The following DCAF4 variants were observed in gnomAD, a reference collection of about 807,000 sequenced individuals.
DCAF4 encodes the protein DDB1 and CUL4 associated factor 4.
In DCAF4, 37 loss-of-function variants were observed where a neutral mutation model predicts 60.9. The observed-to-expected ratio is 0.61, with a 90% CI of 0.47 to 0.80. The LOEUF is 0.80. Ranked by LOEUF, DCAF4 falls within the 30% of genes least tolerant of loss-of-function variation. DCAF4 has a pLI of 0.00. For synonymous variants in DCAF4, 243 were observed against 254.8 expected (o/e 0.95, Z 0.44); for missense variants, 577 against 650.0 (o/e 0.89, Z 1.22).
chr14:72,953,720 AAAAAAAAAAAAAATATATATAT>A (rs1891757139), intron 9 of DCAF4, among the ~76,000 whole-genome samples: 1 of 50,440 alleles, frequency 2.0e-5, no homozygotes, highest in African/African-American at 9.2e-5. Flanking sequence ...AAAAAAAAAA[AAAAAAAAAAAAAATATATATAT>A]ATATATATAT....
At chr14:72,955,796 G>A in intron 12 of DCAF4, 100 bp downstream of exon 12, 1 of 1,179,580 alleles carries the variant, frequency 8.5e-7, no homozygotes, top group Non-Finnish European at 1.2e-6. Context: ...CAAGACCCCA[G>A]GCAGGGGAAT....
chr14:72,940,363 G>A lies in DCAF4; in HGVS notation c.337G>A (p.Asp113Asn). ...SKRLRLLQEE[D>N]RRKKIARMGF... ...GAGACTGCGGCTGCTCCAGGAAGAA[G>A]ACAGACGGAAAAAGGTGGGCTCCTC... Residue 113 changes from aspartate to asparagine, a missense_variant, in exon 4 of 14, where the codon GAC becomes AAC. Coordinates refer to ENST00000358377, the MANE Select transcript of DCAF4 (RefSeq NM_015604.4). 6.2e-7 allele frequency: 1 copy of A among 1,609,820 alleles called. No individual in the cohort carries two copies. The highest frequency in any genetic ancestry group is 8.5e-7 in the Non-Finnish European group (1 of 1,179,032).
chr14:72,953,956 G>C (rs1382761386), intron 9 of DCAF4, among the ~76,000 whole-genome samples: 4 of 151,216 alleles, frequency 2.6e-5, no homozygotes, highest in Non-Finnish European at 5.9e-5. Context: ...CGACTACTGG[G>C]AACGTTAACA....
At chr14:72,951,389 A>C (rs914643304) in intron 8 of DCAF4, among the ~76,000 whole-genome samples, 1 of 152,040 alleles carries the variant, frequency 6.6e-6, no homozygotes, top group African/African-American at 2.4e-5. Flanking sequence ...AGGCGGGCGG[A>C]TCACGTGAGG....
chr14:72,947,257 G>C (rs2243443), intron 8 of DCAF4, 66 bp downstream of exon 8: 463,221 of 1,575,212 alleles, frequency 0.29, 71,845 homozygotes, highest in Non-Finnish European at 0.32. Context: ...CTGGGTATCT[G>C]TGGGCTTCAT....
chr14:72,953,758 T>A (rs1319762382), intron 9 of DCAF4, among the ~76,000 whole-genome samples: 1 of 63,308 alleles, frequency 1.6e-5, no homozygotes, highest in African/African-American at 5.0e-5. Flanking sequence ...TATATATATA[T>A]ATATAGTTTA....
chr14:72,958,884 G>T lies in DCAF4; in HGVS notation c.*79G>T. 4.7e-6 allele frequency: 7 copies of T among 1,498,752 alleles called. No homozygotes were observed. Among genetic ancestry groups the T allele is most frequent in the South Asian group, 4.1e-5 (3 of 73,760 alleles). 92.8% of individuals were successfully genotyped at this position (1,498,752 alleles called of 1,614,324 possible). On this transcript the variant is annotated 3_prime_UTR_variant, in exon 14 of 14. Transcript: ENST00000358377. ...TAACTTTTTACTGCATCTAATGAGG[G>T]TGTTTTAAGTGACACTCAGTGTACA... is the stretch of plus-strand genomic sequence containing the variant.
chr14:72,949,796 T>A (rs1053239772), intron 8 of DCAF4, among the ~76,000 whole-genome samples: 4 of 152,234 alleles, frequency 2.6e-5, no homozygotes, highest in Non-Finnish European at 5.9e-5. Flanking sequence ...AGAAGATTTT[T>A]AAAAGTTACA....
downstream of DCAF4, chr14:72,960,525 C>T: frequency 1.3e-6 from 1 of 752,410 alleles, no homozygotes; most frequent in East Asian, 9.7e-5. Flanking sequence ...ACCAGCAAAC[C>T]CCAGGGCAGT....
At chr14:72,946,106 A>G in intron 7 of DCAF4, 79 bp downstream of exon 7, 1 of 1,542,840 alleles carries the variant, frequency 6.5e-7, no homozygotes, top group Non-Finnish European at 8.9e-7. Context: ...GAGGAGAGCA[A>G]CTGGGGAAGA....
chr14:72,959,226 C>A lies in DCAF4; in HGVS notation c.*421C>A, dbSNP rs1209536117. 7 of 989,836 alleles carry A rather than the reference C, an allele frequency of 7.1e-6. No homozygotes were observed. Among genetic ancestry groups the A allele is most frequent in the Non-Finnish European group, 8.4e-6 (7 of 832,892 alleles). 61.3% of individuals were successfully genotyped at this position (989,836 alleles called of 1,614,324 possible). A position where few individuals can be genotyped will look rare whatever the true frequency, so the allele number is the denominator to read the frequency against. On this transcript the variant is annotated 3_prime_UTR_variant, in exon 14 of 14. Coordinates refer to ENST00000358377, the MANE Select transcript of DCAF4 (RefSeq NM_015604.4). Reference sequence around the variant, plus strand: ...GGTGCCTGGGTAGCAGGAAGAAAGACCTGCATCCTGCATCTGTACTTGGGG... The same window carrying A: ...GGTGCCTGGGTAGCAGGAAGAAAGAACTGCATCCTGCATCTGTACTTGGGG...
At chr14:72,950,799 C>T (rs1330430680) in intron 8 of DCAF4, among the ~76,000 whole-genome samples, 2 of 108,644 alleles carry the variant, frequency 1.8e-5, no homozygotes, top group Non-Finnish European at 4.0e-5. Context: ...CATGCAATGC[C>T]ATTTCTGTAT....
chr14:72,949,255 C>T (rs1891111029), intron 8 of DCAF4, among the ~76,000 whole-genome samples: 2 of 152,098 alleles, frequency 1.3e-5, no homozygotes, highest in African/African-American at 4.8e-5. Flanking sequence ...TTGAGACCAG[C>T]CTGGGCAATA....
chr14:72,949,732 G>A (rs535129318), intron 8 of DCAF4, among the ~76,000 whole-genome samples: 1 of 152,224 alleles, frequency 6.6e-6, no homozygotes, highest in African/African-American at 2.4e-5. Context: ...ACTCCAGCCT[G>A]AGCGAAAGAG....
intron 1 of DCAF4, among the ~76,000 whole-genome samples, chr14:72,934,201 T>C (rs1337501943): frequency 2.7e-5 from 4 of 150,436 alleles, no homozygotes; most frequent in African/African-American, 9.8e-5. Flanking sequence ...TGCTCAAGGC[T>C]GGAGTGCAAT....
At position 72,945,751 on chromosome 14, in the gene DCAF4, C is replaced by T. The variant is rs935215196; in HGVS notation, c.535-133C>T. The T allele has an allele frequency of 3.9e-5, 47 of 1,218,818 alleles. No homozygotes were observed. In the South Asian group the frequency reaches 6.0e-4, roughly 16 times the overall value. 75.5% of individuals were successfully genotyped at this position (1,218,818 alleles called of 1,614,324 possible). A position where few individuals can be genotyped will look rare whatever the true frequency, so the allele number is the denominator to read the frequency against. ...GGGAAAGTGAGGTCATCTCCACTCT[C>T]GCTCATGGAGAGGAACTCTCACCTA... On this transcript the variant is annotated intron_variant, in intron 6 of 13. Transcript: ENST00000358377.
intron 5 of DCAF4, 102 bp downstream of exon 5, chr14:72,941,926 C>A: frequency 8.0e-7 from 1 of 1,255,682 alleles, no homozygotes; most frequent in Non-Finnish European, 1.1e-6. Context: ...ATGTGGCTAC[C>A]CCGTGAAGCA....
chr14:72,957,801 TCTC>T (rs1892500083), intron 13 of DCAF4: 3 of 152,194 alleles, frequency 2.0e-5, no homozygotes, highest in Admixed American at 6.5e-5. Flanking sequence ...CCTGTCCTCT[TCTC>T]CTGCTGAAGG....
chr14:72,929,870 C>A (rs1275432309), intron 1 of DCAF4: 1 of 1,474,350 alleles, frequency 6.8e-7, no homozygotes, highest in Non-Finnish European at 9.3e-7. Flanking sequence ...GGCTTGCTCA[C>A]GTTCTTGGTC....
Sources: gnomAD v4.1 joint callset for allele counts (sites outside exome capture counted in the v4.1 genomes callset) on GRCh38, gnomAD v4.1.1 for gene constraint, MANE v1.5 for transcripts, NCBI Gene and HGNC (gene_info 2026-07-23, HGNC 2026-07-21) for gene names.